UTRN: variants seen among roughly 807,000 people sequenced by gnomAD.
UTRN encodes the protein utrophin, also known as dystrophin-related protein 1.
UTRN carries 283 observed loss-of-function variants against 463.9 expected under a neutral mutation model. The ratio of observed to expected loss-of-function variants is 0.61; its 90% CI spans 0.55 to 0.67. The LOEUF is 0.67. Ranked by LOEUF, UTRN falls within the 30% of genes least tolerant of loss-of-function variation. UTRN has a pLI of 0.00. For missense variants in UTRN, 3,922 were observed against 4,084.3 expected, an observed-to-expected ratio of 0.96 and a Z score of 1.08; for synonymous variants, 1,442 against 1,431.5, an observed-to-expected ratio of 1.01 and a Z score of -0.17.
Position 144,499,242 on chromosome 6 carries a change from CT to C in UTRN, c.4594-14del. On this transcript the variant is annotated splice_polypyrimidine_tract_variant and intron_variant, in intron 33 of 74. Transcript: ENST00000367545. ...CATCTCAGTCTCAGTCTCTCCCTGC[CT>C]CTCTCCGTCTCAGGTGACAGAAGGA... 6.2e-7 allele frequency: 1 copy of C among 1,607,358 alleles called. No homozygotes were observed. Among genetic ancestry groups the C allele is most frequent in the East Asian group, 2.2e-5 (1 of 44,742 alleles).
intron 2 of UTRN, among the ~76,000 whole-genome samples, chr6:144,378,261 G>C (rs577580747): frequency 6.6e-6 from 1 of 152,174 alleles, no homozygotes. Flanking sequence ...GGTCTAGATT[G>C]AATACACTCT....
At chr6:144,703,704 C>A (rs1262040452) in intron 53 of UTRN, among the ~76,000 whole-genome samples, 1 of 152,078 alleles carries the variant, frequency 6.6e-6, no homozygotes, top group African/African-American at 2.4e-5. Context: ...TTAATCATCT[C>A]GAGACCATCT....
chr6:144,343,790 G>A (rs939383796), intron 2 of UTRN, among the ~76,000 whole-genome samples: 1 of 152,022 alleles, frequency 6.6e-6, no homozygotes, highest in African/African-American at 2.4e-5. Flanking sequence ...AATATGTAAC[G>A]AAACTCCTAA....
intron 50 of UTRN, among the ~76,000 whole-genome samples, chr6:144,566,667 C>CCTGAACCTGAAGCTCAGTATA (rs1376761250): frequency 6.6e-6 from 1 of 151,970 alleles, no homozygotes; most frequent in Non-Finnish European, 1.5e-5. Flanking sequence ...ATACAGTGCC[C>CCTGAACCTGAAGCTCAGTATA]CTGAACCTGA....
intron 2 of UTRN, among the ~76,000 whole-genome samples, chr6:144,342,521 C>T (rs541627170): frequency 5.3e-5 from 8 of 152,154 alleles, no homozygotes; most frequent in South Asian, 4.1e-4. Flanking sequence ...TATGGTCTAT[C>T]AATACAATGG....
intron 52 of UTRN, among the ~76,000 whole-genome samples, chr6:144,699,451 T>A (rs9403588): frequency 0.19 from 16,154 of 85,002 alleles, 1,482 homozygotes; most frequent in East Asian, 0.6. Context: ...AAAAAAAAAA[T>A]AATAATAATA....
intron 51 of UTRN, among the ~76,000 whole-genome samples, chr6:144,669,460 TA>T (rs1264682646): frequency 1.3e-5 from 2 of 152,214 alleles, no homozygotes; most frequent in Admixed American, 6.5e-5. Context: ...ATCCTGTTGT[TA>T]AAAATATTAT....
At chr6:144,706,308 A>G (rs943474563) in intron 53 of UTRN, among the ~76,000 whole-genome samples, 3 of 150,968 alleles carry the variant, frequency 2.0e-5, no homozygotes, top group Non-Finnish European at 2.9e-5. Flanking sequence ...TATTTAGTGT[A>G]TATTCATGTA....
chr6:144,465,637 C>A (rs1789876975), intron 23 of UTRN, among the ~76,000 whole-genome samples: 1 of 151,988 alleles, frequency 6.6e-6, no homozygotes, highest in African/African-American at 2.4e-5. Context: ...AAAGAAAACT[C>A]CTTTTTTTTG....
At chr6:144,378,542 G>C (rs1233612612) in intron 2 of UTRN, among the ~76,000 whole-genome samples, 1 of 152,190 alleles carries the variant, frequency 6.6e-6, no homozygotes, top group Non-Finnish European at 1.5e-5. Flanking sequence ...TCTGAATTAA[G>C]CAGGTTGAGA....
chr6:144,754,267 TACAA>T (rs1791736966), intron 56 of UTRN, among the ~76,000 whole-genome samples: 1 of 152,202 alleles, frequency 6.6e-6, no homozygotes, highest in Non-Finnish European at 1.5e-5. Context: ...TTAGAGGCTT[TACAA>T]ACAATGTACT....
intron 53 of UTRN, among the ~76,000 whole-genome samples, chr6:144,700,790 G>A (rs1784512543): frequency 6.6e-6 from 1 of 151,212 alleles, no homozygotes; most frequent in South Asian, 2.1e-4. Context: ...TTGGAGTGCA[G>A]TGGCATGATC....
chr6:144,580,965 G>C (rs946083670), intron 51 of UTRN, among the ~76,000 whole-genome samples: 7 of 152,202 alleles, frequency 4.6e-5, no homozygotes, highest in Non-Finnish European at 1.0e-4. Flanking sequence ...AGTATACATA[G>C]ACTGAGGAAG....
chr6:144,768,586 AT>A (rs1793610532), intron 58 of UTRN, among the ~76,000 whole-genome samples: 1 of 152,198 alleles, frequency 6.6e-6, no homozygotes. Context: ...AATGTCACAT[AT>A]TTATAGTGAG....
chr6:144,381,634 G>A (rs1457281802), intron 2 of UTRN, among the ~76,000 whole-genome samples: 1 of 152,190 alleles, frequency 6.6e-6, no homozygotes, highest in Non-Finnish European at 1.5e-5. Context: ...TCTTGTGATA[G>A]TGAATAAGTC....
intron 53 of UTRN, among the ~76,000 whole-genome samples, chr6:144,716,901 G>A (rs1448695135): frequency 6.6e-6 from 1 of 152,096 alleles, no homozygotes; most frequent in Non-Finnish European, 1.5e-5. Context: ...TATATTCCAG[G>A]TGTTGGAGAT....
chr6:144,343,826 G>A (rs1340015099), intron 2 of UTRN, among the ~76,000 whole-genome samples: 1 of 152,032 alleles, frequency 6.6e-6, no homozygotes, highest in East Asian at 1.9e-4. Context: ...CAGGGCAAAC[G>A]CCTTCTAACA....
intron 6 of UTRN, among the ~76,000 whole-genome samples, chr6:144,425,098 A>C (rs1785179051): frequency 6.6e-6 from 1 of 152,196 alleles, no homozygotes; most frequent in Non-Finnish European, 1.5e-5. Context: ...ATGTCTCTTT[A>C]GTCCTCTTTA....
chr6:144,412,790 C>CACAG (rs1784033528), intron 3 of UTRN, among the ~76,000 whole-genome samples: 4 of 141,366 alleles, frequency 2.8e-5, no homozygotes, highest in African/African-American at 1.1e-4. Context: ...CACACACACA[C>CACAG]AGTAAACAAT....
Sources: gnomAD v4.1 joint callset for allele counts (sites outside exome capture counted in the v4.1 genomes callset) on GRCh38, gnomAD v4.1.1 for gene constraint, MANE v1.5 for transcripts, NCBI Gene and HGNC (gene_info 2026-07-23, HGNC 2026-07-21) for gene names.